The following DLG2 variants were observed in gnomAD, a reference collection of about 807,000 sequenced individuals.
DLG2 encodes the protein discs large MAGUK scaffold protein 2, also known as disks large homolog 2.
Under a neutral mutation model 132.5 loss-of-function variants are expected in DLG2, and 45 were observed. That is an observed-to-expected ratio of 0.34 (90% CI 0.27 to 0.44). The LOEUF is 0.44. Among genes scored for constraint, DLG2 ranks in the 20% least tolerant of loss-of-function variants. The pLI, the probability that DLG2 is intolerant of heterozygous loss-of-function variation, is 1.00. For synonymous variants in DLG2, 424 were observed against 419.6 expected (o/e 1.01, Z -0.13); for missense variants, 1,045 against 1,196.9 (o/e 0.87, Z 1.87).
chr11:84,062,521 A>G (rs2096607380), intron 10 of DLG2, among the ~76,000 whole-genome samples: 1 of 152,194 alleles, frequency 6.6e-6, no homozygotes, highest in Admixed American at 6.5e-5. Flanking sequence ...TAAACTTTTA[A>G]AGGACATACT....
chr11:84,077,108 T>C (rs540314684), intron 10 of DLG2, among the ~76,000 whole-genome samples: 2 of 152,300 alleles, frequency 1.3e-5, no homozygotes, highest in East Asian at 3.9e-4. Context: ...TTCTAGTATC[T>C]CTTAGTTTTT....
Position 83,930,334 on chromosome 11 carries a change from A to T in DLG2, c.1490T>A (p.Met497Lys). ...YHLGLLPDSE[M>K]TSHSQHSTAT... ...GAGGAAGCGCATGCAGTACCTGGTC[A>T]TCTCAGAGTCAGGTAGCAGGCCTAG... The change falls in exon 15 of 28, where the codon ATG becomes AAG. Residue 497 changes from methionine (M) to lysine (K), a missense_variant. Physicochemically the swap from Met to Lys is moderately conservative, Grantham distance 95 (BLOSUM62 -1). Around this residue, in one of 4 missense-constraint regions of DLG2, gnomAD observed 261 missense variants for 256.1 expected, o/e 1.02. Coordinates refer to ENST00000376104, the MANE Select transcript of DLG2 (RefSeq NM_001142699.3). 1.2e-6 allele frequency: 2 copies of T among 1,613,814 alleles called. No homozygotes were observed. Among genetic ancestry groups the T allele is most frequent in the South Asian group, 1.1e-5 (1 of 91,066 alleles).
At chr11:83,497,978 CA>C (rs1780866252) in intron 21 of DLG2, among the ~76,000 whole-genome samples, 1 of 150,536 alleles carries the variant, frequency 6.6e-6, no homozygotes, top group South Asian at 2.1e-4. Context: ...AGAAAAAATT[CA>C]AAGGGAATTG....
intron 3 of DLG2, among the ~76,000 whole-genome samples, chr11:85,362,332 T>C (rs1480556463): frequency 6.6e-6 from 1 of 151,192 alleles, no homozygotes; most frequent in African/African-American, 2.5e-5. Context: ...CCCTAGGTTT[T>C]GTTTGTTTGT....
chr11:84,696,499 G>C (rs2058627887), intron 6 of DLG2, among the ~76,000 whole-genome samples: 2 of 151,390 alleles, frequency 1.3e-5, no homozygotes, highest in African/African-American at 4.8e-5. Context: ...CTTCCAACCA[G>C]AAATTCCCCT....
At chr11:84,081,614 T>C (rs1363641326) in intron 10 of DLG2, among the ~76,000 whole-genome samples, 2 of 152,100 alleles carry the variant, frequency 1.3e-5, no homozygotes, top group African/African-American at 4.8e-5. Flanking sequence ...CTCAGAAAGA[T>C]GGTTTCATCC....
At chr11:84,243,344 G>T (rs1018451757) in intron 8 of DLG2, among the ~76,000 whole-genome samples, 1 of 152,046 alleles carries the variant, frequency 6.6e-6, no homozygotes, top group African/African-American at 2.4e-5. Context: ...GAAAGCAAAG[G>T]TCTAGAAAGT....
chr11:84,060,537 C>CT lies in DLG2; in HGVS notation c.750-1054dup, dbSNP rs149848087. ...AACAAATTCTACATCAAACTTTCCT[C>CT]TTTTTTTTTTTTTTTCATTTTCACA... On this transcript the variant is annotated intron_variant, in intron 10 of 27. Transcript: ENST00000376104. Among the ~76,000 whole-genome samples the CT allele has an allele frequency of 1.2e-3, 182 of 147,700 alleles. 1 individual carries two copies. Among genetic ancestry groups the CT allele is most frequent in the African/African-American group, 2.0e-3 (82 of 40,056 alleles).
In DLG2 at chr11:84,888,768, T is replaced by C. The variant is rs373476740; in HGVS notation, c.357+222893A>G. ...TCAACCCTCTTCTTCCTTCATTCTT[T>C]CCAGAGATGTCAACCCATGTTGGCT... On this transcript the variant is annotated intron_variant, in intron 6 of 27. Transcript: ENST00000376104. Among the ~76,000 whole-genome samples the C allele has an allele frequency of 1.7e-3, 256 of 152,288 alleles. 1 individual carries two copies. Among genetic ancestry groups the C allele is most frequent in the African/African-American group, 6.0e-3 (250 of 41,568 alleles).
chr11:84,940,111 A>G (rs963210870), intron 6 of DLG2, among the ~76,000 whole-genome samples: 1 of 152,180 alleles, frequency 6.6e-6, no homozygotes, highest in African/African-American at 2.4e-5. Context: ...TTTGGATAAA[A>G]GCCATTTTTA....
chr11:84,827,474 T>C (rs905649695), intron 6 of DLG2, among the ~76,000 whole-genome samples: 16 of 151,762 alleles, frequency 1.1e-4, no homozygotes, highest in African/African-American at 3.9e-4. Context: ...ATTTAGATTT[T>C]TGAACTTAGG....
chr11:83,957,442 G>A (rs1036721787), intron 14 of DLG2, among the ~76,000 whole-genome samples: 3 of 152,026 alleles, frequency 2.0e-5, no homozygotes, highest in Middle Eastern at 3.2e-3. Flanking sequence ...GATATAGCTC[G>A]GATTTCTCTA....
chr11:83,756,231 T>C (rs1031697161), intron 18 of DLG2, among the ~76,000 whole-genome samples: 3 of 151,316 alleles, frequency 2.0e-5, no homozygotes, highest in Admixed American at 6.6e-5. Context: ...CCAGAATGCA[T>C]TACCTGCTTT....
At chr11:84,741,531 AGACCACT>A (rs2064676133) in intron 6 of DLG2, among the ~76,000 whole-genome samples, 1 of 152,128 alleles carries the variant, frequency 6.6e-6, no homozygotes, top group Non-Finnish European at 1.5e-5. Flanking sequence ...CTCTCAGCCT[AGACCACT>A]GAGATACTCA....
intron 3 of DLG2, among the ~76,000 whole-genome samples, chr11:85,445,938 C>T (rs1163125383): frequency 6.6e-6 from 1 of 152,172 alleles, no homozygotes; most frequent in Non-Finnish European, 1.5e-5. Context: ...CTCTAATCTA[C>T]AGATGAGAAA....
chr11:84,126,036 T>C (rs1373652897), intron 9 of DLG2, among the ~76,000 whole-genome samples: 2 of 152,216 alleles, frequency 1.3e-5, no homozygotes, highest in African/African-American at 4.8e-5. Flanking sequence ...ATTGCATTTT[T>C]ACTTTGCCAT....
chr11:85,083,039 ACTGT>A (rs1202461339), intron 6 of DLG2, among the ~76,000 whole-genome samples: 2 of 152,104 alleles, frequency 1.3e-5, no homozygotes, highest in African/African-American at 4.8e-5. Context: ...GACCAAGACT[ACTGT>A]CTACCATCTC....
rs1231611289 is a variant in DLG2 at position 84,486,642 on chromosome 11, CT to C, written c.519+47927del. On this transcript the variant is annotated intron_variant, in intron 7 of 27. Coordinates refer to ENST00000376104, the MANE Select transcript of DLG2 (RefSeq NM_001142699.3). ...AGAAACAGAAAAGAAGGTGAAAAGT[CT>C]TTCGAGCAAATGCAGGAAAAAGTCC... Among the ~76,000 whole-genome samples the C allele has an allele frequency of 3.3e-5, 5 of 152,074 alleles. No homozygotes were observed. In the East Asian group the frequency reaches 9.6e-4, roughly 29 times the overall value.
At chr11:84,011,487 AAATT>A (rs940080493) in intron 11 of DLG2, among the ~76,000 whole-genome samples, 14 of 151,318 alleles carry the variant, frequency 9.3e-5, no homozygotes, top group South Asian at 2.1e-4. Flanking sequence ...ATAAATAAAT[AAATT>A]AATTAATTAA....
Sources: gnomAD v4.1 joint callset for allele counts (sites outside exome capture counted in the v4.1 genomes callset) on GRCh38, gnomAD v4.1.1 for gene constraint, gnomAD v4.1.1 regional missense constraint, MANE v1.5 for transcripts, NCBI Gene and HGNC (gene_info 2026-07-23, HGNC 2026-07-21) for gene names.